Variants in TRDN observed in about 807,000 individuals in gnomAD.
TRDN encodes triadin in skeletal muscle.
TRDN carries 161 observed loss-of-function variants against 149.7 expected under a neutral mutation model. The ratio of observed to expected loss-of-function variants is 1.08; its 90% CI spans 0.95 to 1.23. The LOEUF (loss-of-function observed/expected upper bound fraction) is 1.23. Among genes scored for constraint, TRDN ranks in the 50% most tolerant of loss-of-function variants. The pLI is 0.00. For missense variants in TRDN, 896 were observed against 823.5 expected (o/e 1.09, Z -1.08); for synonymous variants, 294 against 250.5 (o/e 1.17, Z -1.64).
intron 1 of TRDN, among the ~76,000 whole-genome samples, chr6:123,581,887 A>C (rs1783138334): frequency 6.6e-6 from 1 of 152,236 alleles, no homozygotes; most frequent in African/African-American, 2.4e-5. Flanking sequence ...TCCAAGTGGC[A>C]ACATCTGGGA....
chr6:123,432,345 C>T (rs951100746), intron 12 of TRDN, among the ~76,000 whole-genome samples: 3 of 151,804 alleles, frequency 2.0e-5, no homozygotes, highest in African/African-American at 7.3e-5. Flanking sequence ...AAATGCATGC[C>T]TCTCTTTTAA....
intron 16 of TRDN, among the ~76,000 whole-genome samples, chr6:123,378,453 AGTGTGTGTGTGTGTGTGTGTGT>A (rs59816098): frequency 4.4e-5 from 6 of 136,380 alleles, no homozygotes; most frequent in South Asian, 5.3e-4. Context: ...CCAGATTTGT[AGTGTGTGTGTGTGTGTGTGTGT>A]GTGTGTGTGT....
intron 12 of TRDN, among the ~76,000 whole-genome samples, chr6:123,403,818 A>G (rs1029648211): frequency 9.9e-5 from 15 of 152,176 alleles, no homozygotes; most frequent in African/African-American, 3.6e-4. Flanking sequence ...AAAATCAGAA[A>G]TAAAAAAATA....
intron 12 of TRDN, among the ~76,000 whole-genome samples, chr6:123,412,167 T>G (rs1773469225): frequency 6.6e-6 from 1 of 152,168 alleles, no homozygotes; most frequent in African/African-American, 2.4e-5. Context: ...TCTTATGTAG[T>G]TATTAGACGA....
At chr6:123,603,423 G>C (rs1380973320) in intron 1 of TRDN, among the ~76,000 whole-genome samples, 2 of 151,256 alleles carry the variant, frequency 1.3e-5, no homozygotes, top group African/African-American at 4.9e-5. Flanking sequence ...CTGTATTGAG[G>C]TCTGTGATGA....
intron 24 of TRDN, among the ~76,000 whole-genome samples, chr6:123,301,754 T>TATATATATACAC (rs1562252171): frequency 1.5e-5 from 1 of 66,264 alleles, no homozygotes; most frequent in Non-Finnish European, 3.0e-5. Flanking sequence ...TATATATACA[T>TATATATATACAC]ATATATATAT....
chr6:123,548,360 C>T (rs911289307), intron 3 of TRDN, 94 bp downstream of exon 3: 2 of 1,068,040 alleles, frequency 1.9e-6, no homozygotes, highest in Non-Finnish European at 2.4e-6. Flanking sequence ...TAGCTTGACC[C>T]AAGTGCTCAT....
chr6:123,263,643 C>T (rs536878229), intron 33 of TRDN, among the ~76,000 whole-genome samples: 7 of 151,872 alleles, frequency 4.6e-5, no homozygotes, highest in Non-Finnish European at 1.0e-4. Flanking sequence ...AGAACAACAA[C>T]AACTTAACAA....
chr6:123,540,904 C>T (rs4413626), intron 4 of TRDN, among the ~76,000 whole-genome samples: 1 of 151,658 alleles, frequency 6.6e-6, no homozygotes, highest in Non-Finnish European at 1.5e-5. Flanking sequence ...CATTGGTAAG[C>T]TTTCTGTTAT....
At chr6:123,586,609 T>G (rs1783499551) in intron 1 of TRDN, among the ~76,000 whole-genome samples, 1 of 152,176 alleles carries the variant, frequency 6.6e-6, no homozygotes, top group African/African-American at 2.4e-5. Flanking sequence ...TATTTGGAAC[T>G]ACTGTCGAGT....
intron 1 of TRDN, among the ~76,000 whole-genome samples, chr6:123,631,497 C>A (rs1463860211): frequency 6.6e-6 from 1 of 151,812 alleles, no homozygotes; most frequent in Non-Finnish European, 1.5e-5. Flanking sequence ...ACTTCCTTGT[C>A]TGCTTTTACA....
chr6:123,254,857 T>C lies in TRDN; in HGVS notation c.1951+224A>G, dbSNP rs1474866029. ...CTTCTGATGTGTAACAGAATATTTG[T>C]TCATGTTAATGTTGCTAATAGTTCT... is the stretch of plus-strand genomic sequence containing the variant. On this transcript the variant is annotated intron_variant, in intron 37 of 40. Coordinates refer to ENST00000334268, the MANE Select transcript of TRDN (RefSeq NM_006073.4). 1.5e-5 allele frequency: 6 copies of C among 400,598 alleles called. No individual in the cohort carries two copies. In the East Asian group the frequency reaches 2.9e-4, roughly 19 times the overall value. 24.8% of individuals were successfully genotyped at this position (400,598 alleles called of 1,614,324 possible). A position where few individuals can be genotyped will look rare whatever the true frequency, so the allele number is the denominator to read the frequency against.
chr6:123,582,504 T>C (rs1783178327), intron 1 of TRDN, among the ~76,000 whole-genome samples: 1 of 135,316 alleles, frequency 7.4e-6, no homozygotes, highest in South Asian at 2.8e-4. Context: ...AGGGGGGTTG[T>C]TCTCTGGCAG....
chr6:123,571,997 G>C (rs533228293), intron 1 of TRDN, among the ~76,000 whole-genome samples: 34 of 151,924 alleles, frequency 2.2e-4, no homozygotes, highest in Non-Finnish European at 1.0e-4. Context: ...AGAATTCCTG[G>C]GACAAATAAC....
chr6:123,464,143 T>A (rs1776646627), intron 10 of TRDN: 5 of 568,172 alleles, frequency 8.8e-6, no homozygotes, highest in Non-Finnish European at 1.1e-5. Context: ...AAGGAACTGT[T>A]TTCTATTCAT....
intron 5 of TRDN, among the ~76,000 whole-genome samples, chr6:123,523,374 T>A (rs1779782915): frequency 6.6e-6 from 1 of 152,086 alleles, no homozygotes; most frequent in South Asian, 2.1e-4. Context: ...AGGAGGAGGC[T>A]GTATCTGTGA....
intron 27 of TRDN, among the ~76,000 whole-genome samples, chr6:123,274,391 G>A (rs1777302030): frequency 6.6e-6 from 1 of 152,044 alleles, no homozygotes; most frequent in South Asian, 2.1e-4. Context: ...CCTTAGAAAT[G>A]TCTCCAGAAA....
intron 2 of TRDN, among the ~76,000 whole-genome samples, chr6:123,559,151 T>A (rs1451888851): frequency 6.6e-6 from 1 of 151,840 alleles, no homozygotes; most frequent in East Asian, 1.9e-4. Flanking sequence ...CCATCACAGA[T>A]GCTTTGGGTA....
chr6:123,543,938 A>T (rs1780981979), intron 4 of TRDN, among the ~76,000 whole-genome samples: 1 of 152,046 alleles, frequency 6.6e-6, no homozygotes, highest in Non-Finnish European at 1.5e-5. Context: ...TAAGGAAAAA[A>T]GTGTACATAT....
Sources: gnomAD v4.1 joint callset for allele counts (sites outside exome capture counted in the v4.1 genomes callset) on GRCh38, gnomAD v4.1.1 for gene constraint, MANE v1.5 for transcripts, NCBI Gene and HGNC (gene_info 2026-07-23, HGNC 2026-07-21) for gene names.